The following GATD1 variants were observed in gnomAD, a reference collection of about 807,000 sequenced individuals.
GATD1 encodes the protein glutamine amidotransferase-like class 1 domain-containing protein 1.
GATD1 carries 23 observed loss-of-function variants against 25.9 expected under a neutral mutation model. That is an observed-to-expected ratio of 0.89 (90% CI 0.64 to 1.26). The LOEUF (loss-of-function observed/expected upper bound fraction) is 1.26, where lower values mean the gene tolerates loss of function less well. Ranked by LOEUF, GATD1 falls within the 50% of genes most tolerant of loss-of-function variation. GATD1 has a pLI of 0.00. For missense variants in GATD1, 347 were observed against 312.5 expected, an observed-to-expected ratio of 1.11 and a Z score of -0.83; for synonymous variants, 177 against 134.6, an observed-to-expected ratio of 1.31 and a Z score of -2.18.
At chr11:772,169 A>C (rs1863509339) in intron 5 of GATD1, among the ~76,000 whole-genome samples, 1 of 152,096 alleles carries the variant, frequency 6.6e-6, no homozygotes. Context: ...ACTAGGGGCC[A>C]GAGGTTCGGG....
At chr11:773,818 C>T (rs546403466) in intron 3 of GATD1, among the ~76,000 whole-genome samples, 189 bp from the exon 4 acceptor site, 1 of 152,314 alleles carries the variant, frequency 6.6e-6, no homozygotes, top group African/African-American at 2.4e-5. Context: ...TCCACACACT[C>T]ACCAACTCTC....
At chr11:772,676 T>C in intron 4 of GATD1, 155 bp from the exon 5 acceptor site, 1 of 662,212 alleles carries the variant, frequency 1.5e-6, no homozygotes, top group Non-Finnish European at 2.7e-6. Context: ...CACCCGGGTG[T>C]CCTGGCTCAG....
In GATD1 at chr11:773,571, G is replaced by T; in HGVS notation, c.306C>A (p.Ala102=). The change falls in exon 4 of 8, where the codon GCC becomes GCA. Residue 102 remains alanine, a synonymous_variant. Transcript: ENST00000319863. ...PSCPGALTDL[A]SSGSLARILQ... is the part of the protein sequence containing the mutation. ...GGATACGGGCCAGGGAGCCACTGCT[G>T]GCCAGGTCGGTCAGGGCCCCAGGAC... is the stretch of plus-strand genomic sequence containing the variant. 6.2e-7 allele frequency: 1 copy of T among 1,610,406 alleles called. No homozygotes were observed. Among genetic ancestry groups the T allele is most frequent in the Non-Finnish European group, 8.5e-7 (1 of 1,179,098 alleles).
Position 770,369 on chromosome 11 carries a change from G to T in GATD1, c.*528C>A, listed in dbSNP as rs879518386. On this transcript the variant is annotated 3_prime_UTR_variant, in exon 8 of 8. Coordinates refer to ENST00000319863, the MANE Select transcript of GATD1 (RefSeq NM_182612.4). ...TCAACAGGAAAGTGCTGCCAGTGCC[G>T]GTCGGCCTTGGGGCAGGAGGCTGCT... 6.5e-7 allele frequency: 1 copy of T among 1,533,128 alleles called. No individual in the cohort carries two copies. The highest frequency in any genetic ancestry group is 2.4e-5 in the East Asian group (1 of 40,906). The allele number at this position is 1,533,128 out of a possible 1,614,324, so 95.0% of individuals were successfully genotyped here. A position where few individuals can be genotyped will look rare whatever the true frequency, so the allele number is the denominator to read the frequency against.
intron 5 of GATD1, 96 bp from the exon 6 acceptor site, chr11:771,522 A>G: frequency 7.0e-7 from 1 of 1,438,024 alleles, no homozygotes; most frequent in Non-Finnish European, 9.1e-7. Context: ...AGCCTCACCC[A>G]ACCAAGTGGG....
intron 4 of GATD1, among the ~76,000 whole-genome samples, chr11:773,090 G>A (rs1459188949): frequency 6.7e-6 from 1 of 149,058 alleles, no homozygotes; most frequent in East Asian, 2.0e-4. Context: ...TGTGTAGAGC[G>A]CTGGCTTGTC....
In GATD1 at chr11:773,535, G is replaced by C; in HGVS notation, c.342C>G (p.Phe114Leu). ...GGGGTCACCTACTGCTCTCAGAGTG[G>C]AAGTGCTGCAGGATACGGGCCAGGG... is the stretch of plus-strand genomic sequence containing the variant. ...SGSLARILQH[F>L]HSESKPICAV... is the part of the protein sequence containing the mutation. The change falls in exon 4 of 8, where the codon TTC becomes TTG. Residue 114 changes from phenylalanine to leucine, a missense_variant. Transcript: ENST00000319863. 6.2e-7 allele frequency: 1 copy of C among 1,610,630 alleles called. No individual in the cohort carries two copies. Among genetic ancestry groups the C allele is most frequent in the Non-Finnish European group, 8.5e-7 (1 of 1,179,052 alleles).
At chr11:776,729 C>T (rs2133658999) in intron 1 of GATD1, 1 of 152,578 alleles carries the variant, frequency 6.6e-6, no homozygotes, top group South Asian at 2.1e-4. Context: ...CTCCAAAAGG[C>T]TCAGAACAAG....
chr11:775,078 C>T lies in GATD1; in HGVS notation c.129G>A (p.Val43=). 6.2e-7 allele frequency: 1 copy of T among 1,603,924 alleles called. No homozygotes were observed. Among genetic ancestry groups the T allele is most frequent in the Non-Finnish European group, 8.5e-7 (1 of 1,176,532 alleles). The part of the protein sequence containing the change: ...TMASTAFNLQ[V]ATPGGKAMEF... ...AGGCTGGACTTACCCCAGGGGTGGCCACCTGCAGGTTGAAGGCGGTGCTGG... is the reference window on the plus strand; with the variant it reads ...AGGCTGGACTTACCCCAGGGGTGGCTACCTGCAGGTTGAAGGCGGTGCTGG... Residue 43 remains valine, a synonymous_variant, in exon 2 of 8, where the codon GTG becomes GTA. Coordinates refer to ENST00000319863, the MANE Select transcript of GATD1 (RefSeq NM_182612.4).
In GATD1 at chr11:771,011, A is replaced by G; in HGVS notation, c.638T>C (p.Leu213Pro). The G allele has an allele frequency of 6.2e-7, 1 of 1,613,456 alleles. No homozygotes were observed. The highest frequency in any genetic ancestry group is 8.5e-7 in the Non-Finnish European group (1 of 1,180,006). Reference sequence around the variant, plus strand: ...CCCTCACCGGCTGCCACAGAGGAAGAGCAGGTTCTGCACGGCCGGGACAGT... The same window carrying G: ...CCCTCACCGGCTGCCACAGAGGAAGGGCAGGTTCTGCACGGCCGGGACAGT... ...SSTVPAVQNL[L>P]FLCGSRK is the part of the protein sequence containing the mutation. Residue 213 changes from leucine (L) to proline (P), a missense_variant, in exon 7 of 8, where the codon CTC (leucine) becomes CCC (proline). Leu to Pro is a moderately conservative substitution (Grantham distance 98). Coordinates refer to ENST00000319863, the MANE Select transcript of GATD1 (RefSeq NM_182612.4).
At chr11:775,209 G>A (rs1863843486) in intron 1 of GATD1, 67 bp from the exon 2 acceptor site, 1 of 1,376,416 alleles carries the variant, frequency 7.3e-7, no homozygotes, top group Admixed American at 2.0e-5. Context: ...GGGCTACCCA[G>A]ACACCCCCAT....
chr11:776,040 T>C (rs1000672022), intron 1 of GATD1, among the ~76,000 whole-genome samples: 2 of 136,482 alleles, frequency 1.5e-5, no homozygotes, highest in African/African-American at 2.8e-5. Flanking sequence ...TGGAGTGCAG[T>C]GGTGCGATCT....
Position 771,185 on chromosome 11 carries a change from G to C in GATD1, c.545-81C>G, listed in dbSNP as rs754598159. The C allele has an allele frequency of 3.2e-6, 5 of 1,544,710 alleles. No homozygotes were observed. The South Asian group carries it at 4.7e-5, about 15-fold the overall frequency. ...CCTCGAACTCCAGGCGGGCTCCCAG[G>C]GTCAGCAGTAGGTCAGCCTGTCTGG... On this transcript the variant is annotated intron_variant, in intron 6 of 7. Transcript: ENST00000319863.
Position 771,107 on chromosome 11 carries a change from G to C in GATD1, c.545-3C>G, listed in dbSNP as rs1219444329. 6.3e-7 allele frequency: 1 copy of C among 1,587,538 alleles called. No homozygotes were observed. The highest frequency in any genetic ancestry group is 2.3e-5 in the East Asian group (1 of 43,290). On this transcript the variant is annotated splice_region_variant and splice_polypyrimidine_tract_variant and intron_variant, in intron 6 of 7. Coordinates refer to ENST00000319863, the MANE Select transcript of GATD1 (RefSeq NM_182612.4). ...GTGGACAGCGTCAGGCTCGCTTGCT[G>C]GGGAGGACCGAGGGCACCAACCTCA...
chr11:775,362 A>C (rs1014754622), intron 1 of GATD1, among the ~76,000 whole-genome samples: 1 of 152,230 alleles, frequency 6.6e-6, no homozygotes, highest in Non-Finnish European at 1.5e-5. Flanking sequence ...AGAGGGGCAC[A>C]GCCAGGTCTG....
chr11:767,662 C>T lies in GATD1; in HGVS notation c.*3235G>A, dbSNP rs1863129293. On this transcript the variant is annotated 3_prime_UTR_variant, in exon 8 of 8. Transcript: ENST00000319863. ...CAAAACCCACCTGCTTAAGTCCTCA[C>T]CTGCAAGGGGATGGTATTAGGTGGG... is the stretch of plus-strand genomic sequence containing the variant. 27 of 1,247,404 alleles carry T rather than the reference C, an allele frequency of 2.2e-5. No individual in the cohort carries two copies. In the South Asian group the frequency reaches 5.1e-4, roughly 24 times the overall value. The allele number at this position is 1,247,404 out of a possible 1,614,324, so 77.3% of individuals were successfully genotyped here.
chr11:775,239 A>C, intron 1 of GATD1, 97 bp from the exon 2 acceptor site: 1 of 1,001,342 alleles, frequency 1.0e-6, no homozygotes, highest in Non-Finnish European at 1.5e-6. Context: ...TGACCCCAGA[A>C]CACGCTGAGG....
rs1418096497 is a variant in GATD1, at chr11:770,724, C to G, written c.*173G>C. The G allele has an allele frequency of 6.8e-7, 1 of 1,468,062 alleles. No homozygotes were observed. Among genetic ancestry groups the G allele is most frequent in the Non-Finnish European group, 9.0e-7 (1 of 1,116,352 alleles). 90.9% of individuals were successfully genotyped at this position (1,468,062 alleles called of 1,614,324 possible). The stretch of plus-strand genomic sequence containing the variant: ...GGGGGTTTGGACCCTCCAGGAGAGC[C>G]GACACCCCCTCAGAGCTGATTCCAG... On this transcript the variant is annotated 3_prime_UTR_variant, in exon 8 of 8. Transcript: ENST00000319863.
chr11:767,606 T>G lies in GATD1; in HGVS notation c.*3291A>C. 2 of 1,387,364 alleles carry G rather than the reference T, an allele frequency of 1.4e-6. No individual in the cohort carries two copies. Among genetic ancestry groups the G allele is most frequent in the Non-Finnish European group, 1.9e-6 (2 of 1,073,688 alleles). 85.9% of individuals were successfully genotyped at this position (1,387,364 alleles called of 1,614,324 possible). On this transcript the variant is annotated 3_prime_UTR_variant, in exon 8 of 8. Coordinates refer to ENST00000319863, the MANE Select transcript of GATD1 (RefSeq NM_182612.4). ...CTCAATGAGGCTCACTGGCTCTTCA[T>G]GCACCCTGCTGTGGCCTGAGCACGT...
Sources: gnomAD v4.1 joint callset for allele counts (sites outside exome capture counted in the v4.1 genomes callset) on GRCh38, gnomAD v4.1.1 for gene constraint, MANE v1.5 for transcripts, NCBI Gene and HGNC (gene_info 2026-07-23, HGNC 2026-07-21) for gene names.